TMOD3: variants seen among roughly 807,000 people sequenced by gnomAD.
The protein encoded by TMOD3 is tropomodulin-3.
TMOD3 carries 20 observed loss-of-function variants against 39.2 expected under a neutral mutation model. The observed-to-expected ratio is 0.51, with a 90% CI of 0.36 to 0.74. The LOEUF is 0.74. Ranked by LOEUF, TMOD3 falls within the 30% of genes least tolerant of loss-of-function variation. TMOD3 has a pLI of 0.00. For missense variants in TMOD3, 381 were observed against 412.8 expected, an observed-to-expected ratio of 0.92 and a Z score of 0.67; for synonymous variants, 143 against 145.8, an observed-to-expected ratio of 0.98 and a Z score of 0.14.
At chr15:51,837,459 G>C (rs936811229) in intron 1 of TMOD3, among the ~76,000 whole-genome samples, 1 of 149,392 alleles carries the variant, frequency 6.7e-6, no homozygotes, top group African/African-American at 2.5e-5. Flanking sequence ...GTGCCCACTT[G>C]AGTGCTAGAC....
rs1250865303 is a variant in TMOD3, at chr15:51,914,509, C to CA, written c.*5705dup. 5 of 151,864 alleles carry CA rather than the reference C, an allele frequency of 3.3e-5. No individual in the cohort carries two copies. Among genetic ancestry groups the CA allele is most frequent in the African/African-American group, 1.2e-4 (5 of 41,340 alleles). 9.4% of individuals were successfully genotyped at this position (151,864 alleles called of 1,614,324 possible). On this transcript the variant is annotated 3_prime_UTR_variant, in exon 10 of 10. Coordinates refer to ENST00000308580, the MANE Select transcript of TMOD3 (RefSeq NM_014547.5). ...TGAAACCCCATCTCTACTAAAAATA[C>CA]AAAAAATTAGTTGGGCGTGGTGATG...
At chr15:51,881,550 C>CTTCTTTTTTT (rs2056533857) in intron 3 of TMOD3, among the ~76,000 whole-genome samples, 1 of 61,828 alleles carries the variant, frequency 1.6e-5, no homozygotes, top group African/African-American at 6.9e-5. Context: ...TTCTTTATTT[C>CTTCTTTTTTT]TTTTTTTTTT....
rs928739635 is a variant in TMOD3 at position 51,911,913 on chromosome 15, A to C, written c.*3103A>C. 3 of 152,248 alleles carry C rather than the reference A, an allele frequency of 2.0e-5. No individual in the cohort carries two copies. The highest frequency in any genetic ancestry group is 7.2e-5 in the African/African-American group (3 of 41,476). The allele number at this position is 152,248 out of a possible 1,614,324, so 9.4% of individuals were successfully genotyped here. On this transcript the variant is annotated 3_prime_UTR_variant, in exon 10 of 10. Coordinates refer to ENST00000308580, the MANE Select transcript of TMOD3 (RefSeq NM_014547.5). ...CAAATAAGCATTTTGTATTAAATAA[A>C]TTAGCAGATGGTTAGAGACTTCAAG... is the stretch of plus-strand genomic sequence containing the variant.
At chr15:51,840,750 T>C (rs1413955938) in intron 1 of TMOD3, among the ~76,000 whole-genome samples, 4 of 152,240 alleles carry the variant, frequency 2.6e-5, no homozygotes, top group Non-Finnish European at 4.4e-5. Context: ...CATCATTTAT[T>C]GTACCGTGCT....
intron 5 of TMOD3, 126 bp from the exon 6 acceptor site, chr15:51,893,689 C>G: frequency 1.2e-6 from 1 of 856,594 alleles, no homozygotes; most frequent in Non-Finnish European, 1.6e-6. Context: ...GGCTTGAACC[C>G]GGGAGGCGGA....
Position 51,908,993 on chromosome 15 carries a change from A to C in TMOD3, c.*183A>C. The C allele has an allele frequency of 4.8e-6, 2 of 417,836 alleles. No individual in the cohort carries two copies. The highest frequency in any genetic ancestry group is 8.5e-6 in the Non-Finnish European group (2 of 234,586). The allele number at this position is 417,836 out of a possible 1,614,324, so 25.9% of individuals were successfully genotyped here. ...GTAATGTGATATTTTATATTCTGAAACATTTCTACTTTCTGCTAAAATCAA... is the reference window on the plus strand; with the variant it reads ...GTAATGTGATATTTTATATTCTGAACCATTTCTACTTTCTGCTAAAATCAA... On this transcript the variant is annotated 3_prime_UTR_variant, in exon 10 of 10. Coordinates refer to ENST00000308580, the MANE Select transcript of TMOD3 (RefSeq NM_014547.5).
chr15:51,875,895 G>A (rs1477062683), intron 3 of TMOD3, among the ~76,000 whole-genome samples: 1 of 152,116 alleles, frequency 6.6e-6, no homozygotes, highest in Non-Finnish European at 1.5e-5. Flanking sequence ...TGGGATTACA[G>A]GTGTGAGCCA....
At chr15:51,849,921 G>A (rs1326450770) in intron 1 of TMOD3, among the ~76,000 whole-genome samples, 2 of 151,044 alleles carry the variant, frequency 1.3e-5, no homozygotes, top group Non-Finnish European at 2.9e-5. Flanking sequence ...GTGACAGAAC[G>A]AGACTCTGTC....
intron 1 of TMOD3, among the ~76,000 whole-genome samples, chr15:51,855,316 C>T (rs1452294142): frequency 6.6e-6 from 1 of 152,230 alleles, no homozygotes; most frequent in Non-Finnish European, 1.5e-5. Flanking sequence ...CTGCCCACCC[C>T]AGACCTACTC....
chr15:51,853,668 G>A (rs183081180), intron 1 of TMOD3, among the ~76,000 whole-genome samples: 1 of 152,152 alleles, frequency 6.6e-6, no homozygotes, highest in Admixed American at 6.5e-5. Context: ...AACAGTTTGG[G>A]CATGATGTCT....
Position 51,908,772 on chromosome 15 carries a change from A to T in TMOD3, c.1025-4A>T. ...TAACATAGTTTCTTTTATTTTTCTC[A>T]TAGTGCGTAAGAGACGAGTTGAAGG... is the stretch of plus-strand genomic sequence containing the variant. On this transcript the variant is annotated splice_region_variant and splice_polypyrimidine_tract_variant and intron_variant, in intron 9 of 9. Transcript: ENST00000308580. 1 of 1,596,204 alleles carries T rather than the reference A, an allele frequency of 6.3e-7. No individual in the cohort carries two copies. The highest frequency in any genetic ancestry group is 8.5e-7 in the Non-Finnish European group (1 of 1,173,196).
chr15:51,875,313 C>G (rs1356439103), intron 3 of TMOD3: 1 of 152,188 alleles, frequency 6.6e-6, no homozygotes, highest in East Asian at 1.9e-4. Flanking sequence ...TGTATGAACC[C>G]TAAATGTCCC....
At chr15:51,862,516 A>G (rs971625274) in intron 1 of TMOD3, among the ~76,000 whole-genome samples, 1 of 152,206 alleles carries the variant, frequency 6.6e-6, no homozygotes, top group African/African-American at 2.4e-5. Flanking sequence ...TTTTATTTTG[A>G]CACATAATTT....
Position 51,910,609 on chromosome 15 carries a change from T to G in TMOD3, c.*1799T>G, listed in dbSNP as rs1190206131. ...AACAAACAAACAAACTTTTTGAAAT[T>G]GAATTGCAATATGTCTGCTACTTTG... On this transcript the variant is annotated 3_prime_UTR_variant, in exon 10 of 10. Transcript: ENST00000308580. 6.6e-6 allele frequency: 1 copy of G among 152,336 alleles called. No homozygotes were observed. Among genetic ancestry groups the G allele is most frequent in the Non-Finnish European group, 1.5e-5 (1 of 68,180 alleles). The allele number at this position is 152,336 out of a possible 1,614,324, so 9.4% of individuals were successfully genotyped here.
chr15:51,890,634 A>G (rs1330647887), intron 5 of TMOD3, among the ~76,000 whole-genome samples: 1 of 152,186 alleles, frequency 6.6e-6, no homozygotes, highest in Non-Finnish European at 1.5e-5. Flanking sequence ...GGTAACCTCA[A>G]TATTTTACAC....
At chr15:51,880,546 T>A (rs2056527566) in intron 3 of TMOD3, among the ~76,000 whole-genome samples, 1 of 152,216 alleles carries the variant, frequency 6.6e-6, no homozygotes, top group African/African-American at 2.4e-5. Context: ...TCTTTCTGGA[T>A]TTGCCTAGTC....
At chr15:51,832,564 GCACGCTTCTGT>G (rs1219434937) in intron 1 of TMOD3, among the ~76,000 whole-genome samples, 369 of 152,142 alleles carry the variant, frequency 2.4e-3, no homozygotes, top group African/African-American at 8.5e-3. Context: ...GGATGTGGTG[GCACGCTTCTGT>G]GGTACCAGCC....
intron 1 of TMOD3, among the ~76,000 whole-genome samples, chr15:51,848,664 A>G (rs2056347159): frequency 6.6e-6 from 1 of 152,264 alleles, no homozygotes; most frequent in Non-Finnish European, 1.5e-5. Flanking sequence ...TTACATGGAT[A>G]TTCATCCAAA....
chr15:51,840,426 T>G (rs2141668858), intron 1 of TMOD3, among the ~76,000 whole-genome samples: 1 of 152,346 alleles, frequency 6.6e-6, no homozygotes, highest in African/African-American at 2.4e-5. Context: ...ATGCTCTGTG[T>G]TAGGTACTGT....
Sources: gnomAD v4.1 joint callset for allele counts (sites outside exome capture counted in the v4.1 genomes callset) on GRCh38, gnomAD v4.1.1 for gene constraint, MANE v1.5 for transcripts, NCBI Gene and HGNC (gene_info 2026-07-23, HGNC 2026-07-21) for gene names.